Variants in NWD2 observed in about 807,000 individuals in gnomAD.
NWD2 encodes the protein NACHT and WD repeat domain containing 2.
A neutral mutation model predicts 132.7 loss-of-function variants in NWD2; 37 were observed. The ratio of observed to expected loss-of-function variants is 0.28; its 90% CI spans 0.21 to 0.37. The LOEUF (loss-of-function observed/expected upper bound fraction) is 0.37. Ranked by LOEUF, NWD2 falls within the 10% of genes least tolerant of loss-of-function variation. NWD2 has a pLI of 1.00. For missense variants in NWD2, 1,592 were observed against 2,122.4 expected, an observed-to-expected ratio of 0.75 and a Z score of 4.91; for synonymous variants, 705 against 803.0, an observed-to-expected ratio of 0.88 and a Z score of 2.06.
intron 1 of NWD2, among the ~76,000 whole-genome samples, chr4:37,323,003 A>T (rs1045726658): frequency 3.3e-5 from 5 of 152,018 alleles, no homozygotes; most frequent in Non-Finnish European, 5.9e-5. Flanking sequence ...ACTATGGTGT[A>T]TGAGTTTCTG....
intron 1 of NWD2, among the ~76,000 whole-genome samples, chr4:37,275,396 A>G (rs1172229630): frequency 6.6e-6 from 1 of 152,172 alleles, no homozygotes; most frequent in African/African-American, 2.4e-5. Flanking sequence ...TTCAAGGAGA[A>G]CTACAAACCA....
intron 2 of NWD2, among the ~76,000 whole-genome samples, chr4:37,335,537 G>A (rs996976780): frequency 6.6e-6 from 1 of 152,040 alleles, no homozygotes; most frequent in Non-Finnish European, 1.5e-5. Flanking sequence ...TGTTATAGCA[G>A]AGGTCCCCAA....
intron 1 of NWD2, among the ~76,000 whole-genome samples, chr4:37,304,287 G>A (rs1332464094): frequency 1.3e-5 from 2 of 152,042 alleles, no homozygotes; most frequent in East Asian, 3.9e-4. Flanking sequence ...CTTCCACAAG[G>A]CCCCTCCTCC....
At chr4:37,296,057 G>A (rs1274351728) in intron 1 of NWD2, among the ~76,000 whole-genome samples, 1 of 152,176 alleles carries the variant, frequency 6.6e-6, no homozygotes, top group Non-Finnish European at 1.5e-5. Context: ...ACAAGGCAAT[G>A]CTCTGCTTCT....
At chr4:37,335,478 T>C (rs1719387874) in intron 2 of NWD2, among the ~76,000 whole-genome samples, 1 of 152,140 alleles carries the variant, frequency 6.6e-6, no homozygotes, top group East Asian at 1.9e-4. Flanking sequence ...AACTGGGAGC[T>C]CTTAGAAGTT....
At chr4:37,282,394 G>A (rs776582242) in intron 1 of NWD2, among the ~76,000 whole-genome samples, 25 of 152,120 alleles carry the variant, frequency 1.6e-4, no homozygotes, top group Admixed American at 6.6e-5. Context: ...TAATTTAAGT[G>A]CTTAGAAAAG....
chr4:37,344,565 T>C (rs901933585), intron 2 of NWD2, among the ~76,000 whole-genome samples: 1 of 152,196 alleles, frequency 6.6e-6, no homozygotes, highest in African/African-American at 2.4e-5. Context: ...AATGATGTGA[T>C]ACTTTGGCTT....
rs886086815 is a variant in NWD2 at position 37,244,990 on chromosome 4, C to T, written c.-78C>T. The T allele has an allele frequency of 3.9e-6, 6 of 1,521,868 alleles. No individual in the cohort carries two copies. The highest frequency in any genetic ancestry group is 2.3e-4 in the Middle Eastern group (1 of 4,378). The allele number at this position is 1,521,868 out of a possible 1,614,324, so 94.3% of individuals were successfully genotyped here. On this transcript the variant is annotated 5_prime_UTR_variant, in exon 1 of 7. Transcript: ENST00000309447. The surrounding 1 kb of genome is among the most constrained non-coding windows in gnomAD (Gnocchi z 5.5). Reference sequence around the variant, plus strand: ...TGCTGAGATCGACCGCCTGCTGAGCCGTTCCGTGGAGCTGCGGGCAGGAAC... The same window carrying T: ...TGCTGAGATCGACCGCCTGCTGAGCTGTTCCGTGGAGCTGCGGGCAGGAAC...
At chr4:37,266,483 C>T (rs1444422819) in intron 1 of NWD2, among the ~76,000 whole-genome samples, 2 of 152,000 alleles carry the variant, frequency 1.3e-5, no homozygotes, top group African/African-American at 4.8e-5. Flanking sequence ...AGAAAGAGAC[C>T]GTCTCCTTCA....
At chr4:37,373,216 A>C (rs1720267240) in intron 3 of NWD2, among the ~76,000 whole-genome samples, 1 of 152,230 alleles carries the variant, frequency 6.6e-6, no homozygotes, top group Non-Finnish European at 1.5e-5. Flanking sequence ...ACAGGCACTC[A>C]ACTAGGATTT....
chr4:37,298,955 C>G (rs1398011303), intron 1 of NWD2, among the ~76,000 whole-genome samples: 3 of 152,084 alleles, frequency 2.0e-5, no homozygotes, highest in East Asian at 1.9e-4. Context: ...GGCTTGTGAA[C>G]TAGTCATAGG....
intron 2 of NWD2, among the ~76,000 whole-genome samples, chr4:37,336,781 A>G (rs1455030808): frequency 1.3e-5 from 2 of 152,112 alleles, no homozygotes; most frequent in East Asian, 3.9e-4. Context: ...TCTACTAAAA[A>G]TAAAAAAATT....
chr4:37,423,535 T>A (rs980250928), intron 3 of NWD2, among the ~76,000 whole-genome samples: 1 of 152,106 alleles, frequency 6.6e-6, no homozygotes, highest in African/African-American at 2.4e-5. Context: ...ATGGAATAAG[T>A]CCCGGTCCAA....
chr4:37,281,928 T>C (rs897539822), intron 1 of NWD2, among the ~76,000 whole-genome samples: 5 of 152,202 alleles, frequency 3.3e-5, no homozygotes, highest in African/African-American at 4.8e-5. Flanking sequence ...AAAGTATGGC[T>C]AAACATAGCT....
chr4:37,314,577 A>G (rs1465600752), intron 1 of NWD2, among the ~76,000 whole-genome samples: 1 of 152,310 alleles, frequency 6.6e-6, no homozygotes, highest in East Asian at 1.9e-4. Context: ...AAGGTATAGT[A>G]TACACTTAAA....
At chr4:37,246,617 AT>A (rs1717250240) in intron 1 of NWD2, among the ~76,000 whole-genome samples, 1 of 152,350 alleles carries the variant, frequency 6.6e-6, no homozygotes, top group African/African-American at 2.4e-5. Flanking sequence ...TATTCAGCCT[AT>A]TTAAGGCAAT....
At chr4:37,404,399 C>T (rs1052050156) in intron 3 of NWD2, among the ~76,000 whole-genome samples, 4 of 152,178 alleles carry the variant, frequency 2.6e-5, no homozygotes, top group Admixed American at 6.5e-5. Context: ...GGTCCTTTCC[C>T]ACCCTCATCC....
chr4:37,409,257 C>T (rs1284205419), intron 3 of NWD2, among the ~76,000 whole-genome samples: 1 of 151,690 alleles, frequency 6.6e-6, no homozygotes, highest in Non-Finnish European at 1.5e-5. Context: ...AGCTAAAAAC[C>T]TTGAAAAAAG....
At chr4:37,305,490 A>T (rs1718694138) in intron 1 of NWD2, among the ~76,000 whole-genome samples, 1 of 152,222 alleles carries the variant, frequency 6.6e-6, no homozygotes, top group African/African-American at 2.4e-5. Context: ...TTCCAGTTTC[A>T]GAAAATCTCT....
Sources: allele counts gnomAD v4.1 joint callset (sites outside exome capture counted in the v4.1 genomes callset), GRCh38; gene constraint gnomAD v4.1.1; non-coding constraint Gnocchi (gnomAD v3.1); transcripts MANE v1.5; gene names NCBI Gene and HGNC (gene_info 2026-07-23, HGNC 2026-07-21).